Variants in TAX1BP1 observed in about 807,000 individuals in gnomAD.
TAX1BP1 encodes tax1-binding protein 1.
TAX1BP1 carries 62 observed loss-of-function variants against 97.7 expected under a neutral mutation model. The ratio of observed to expected loss-of-function variants is 0.63; its 90% CI spans 0.52 to 0.78. The LOEUF is 0.78. Among genes scored for constraint, TAX1BP1 ranks in the 30% least tolerant of loss-of-function variants. TAX1BP1 has a pLI of 0.00. For synonymous variants in TAX1BP1, 340 were observed against 304.2 expected (o/e 1.12, Z -1.23); for missense variants, 867 against 916.1 (o/e 0.95, Z 0.69).
intron 13 of TAX1BP1, among the ~76,000 whole-genome samples, chr7:27,800,978 C>T (rs1462885645): frequency 3.3e-5 from 5 of 151,910 alleles, no homozygotes; most frequent in African/African-American, 1.2e-4. Context: ...GTGGTGGGCA[C>T]CTATAATCCC....
intron 4 of TAX1BP1, among the ~76,000 whole-genome samples, 164 bp from the exon 5 acceptor site, chr7:27,769,512 A>T (rs1475322147): frequency 2.6e-5 from 4 of 152,102 alleles, no homozygotes; most frequent in African/African-American, 9.6e-5. Flanking sequence ...GAATTTTTCT[A>T]ACTGAAGGCT....
At chr7:27,755,910 C>A (rs149897145) in intron 2 of TAX1BP1, among the ~76,000 whole-genome samples, 3 of 152,274 alleles carry the variant, frequency 2.0e-5, no homozygotes, top group African/African-American at 7.2e-5. Flanking sequence ...GTTCTCCCTG[C>A]CATTTTTCAA....
At chr7:27,771,311 C>A (rs117670618) in intron 5 of TAX1BP1, among the ~76,000 whole-genome samples, 1 of 147,634 alleles carries the variant, frequency 6.8e-6, no homozygotes, top group Non-Finnish European at 1.5e-5. Context: ...ATAGATGACT[C>A]ATGAAAAAGG....
intron 9 of TAX1BP1, 71 bp from the exon 10 acceptor site, chr7:27,792,995 G>T: frequency 7.4e-7 from 1 of 1,348,616 alleles, no homozygotes; most frequent in Non-Finnish European, 1.0e-6. Flanking sequence ...TAAGATTGAA[G>T]TTGGGGTTAC....
chr7:27,775,924 CA>C (rs1789016791), intron 5 of TAX1BP1, among the ~76,000 whole-genome samples: 1 of 152,148 alleles, frequency 6.6e-6, no homozygotes, highest in African/African-American at 2.4e-5. Flanking sequence ...GCCTGCCTTA[CA>C]CAAGCTAGTT....
intron 2 of TAX1BP1, among the ~76,000 whole-genome samples, chr7:27,755,016 T>C (rs1465766133): frequency 6.6e-6 from 1 of 152,236 alleles, no homozygotes; most frequent in East Asian, 1.9e-4. Flanking sequence ...TTATGCTGTT[T>C]ATGATATTTC....
intron 5 of TAX1BP1, among the ~76,000 whole-genome samples, chr7:27,771,572 G>A (rs1025919684): frequency 6.6e-6 from 1 of 151,946 alleles, no homozygotes; most frequent in Non-Finnish European, 1.5e-5. Flanking sequence ...TGCTCTCCAG[G>A]TGATAAAGGG....
intron 13 of TAX1BP1, among the ~76,000 whole-genome samples, chr7:27,805,160 G>A (rs1439812394): frequency 6.6e-6 from 1 of 152,144 alleles, no homozygotes; most frequent in African/African-American, 2.4e-5. Flanking sequence ...AAGTGGACCT[G>A]TTTCCCATAT....
chr7:27,773,490 G>A (rs1788921100), intron 5 of TAX1BP1, among the ~76,000 whole-genome samples: 1 of 151,906 alleles, frequency 6.6e-6, no homozygotes. Context: ...GCCACTAATT[G>A]AAATTTCTGT....
intron 5 of TAX1BP1, among the ~76,000 whole-genome samples, chr7:27,783,941 A>G (rs1216807125): frequency 6.6e-6 from 1 of 152,190 alleles, no homozygotes; most frequent in Non-Finnish European, 1.5e-5. Context: ...AGCATTTTGT[A>G]CAACAGTTTT....
In TAX1BP1 at chr7:27,741,880, C is replaced by A. The variant is rs183659322; in HGVS notation, c.-8+1611C>A. Among the ~76,000 whole-genome samples the A allele has an allele frequency of 4.8e-3, 729 of 152,216 alleles. 5 individuals carry two copies. The highest frequency in any genetic ancestry group is 0.013 in the African/African-American group (551 of 41,520). ...AGGGGGCTATGTCAGGGTCACAAGACAATAGTGGGGAGAGGGTCAGCAGAC... is the reference window on the plus strand; with the variant it reads ...AGGGGGCTATGTCAGGGTCACAAGAAAATAGTGGGGAGAGGGTCAGCAGAC... On this transcript the variant is annotated intron_variant, in intron 1 of 16. Coordinates refer to ENST00000396319, the MANE Select transcript of TAX1BP1 (RefSeq NM_006024.7).
At chr7:27,797,286 C>G (rs1030655698) in intron 12 of TAX1BP1, among the ~76,000 whole-genome samples, 6 of 152,054 alleles carry the variant, frequency 3.9e-5, no homozygotes, top group African/African-American at 1.4e-4. Flanking sequence ...CATGAGCCAC[C>G]GCGCCCGGCC....
At chr7:27,817,074 T>G in intron 15 of TAX1BP1, 36 bp downstream of exon 15, 1 of 1,585,440 alleles carries the variant, frequency 6.3e-7, no homozygotes, top group Non-Finnish European at 8.5e-7. Context: ...CCTGTCCCTT[T>G]TTTATTTTTT....
Position 27,803,333 on chromosome 7 carries a change from C to G in TAX1BP1, c.1764+3243C>G, listed in dbSNP as rs2128321135. Among the ~76,000 whole-genome samples, 3 of 152,266 alleles carry G rather than the reference C, an allele frequency of 2.0e-5. No homozygotes were observed. The South Asian group carries it at 6.2e-4, about 32-fold the overall frequency. ...TCTAAAAATTACGTGAAATGTTTAT[C>G]TGGTTTTCTTTTGTAATAGGAAACA... On this transcript the variant is annotated intron_variant, in intron 13 of 16. Coordinates refer to ENST00000396319, the MANE Select transcript of TAX1BP1 (RefSeq NM_006024.7).
intron 13 of TAX1BP1, among the ~76,000 whole-genome samples, chr7:27,814,743 G>GTT (rs35816108): frequency 4.5e-4 from 67 of 149,980 alleles, no homozygotes; most frequent in African/African-American, 6.1e-4. Context: ...CATTTTTCTA[G>GTT]TTTTTTTTTT....
At chr7:27,794,194 A>G (rs762479467) in intron 10 of TAX1BP1, 129 bp from the exon 11 acceptor site, 4 of 769,198 alleles carry the variant, frequency 5.2e-6, no homozygotes, top group Non-Finnish European at 5.8e-6. Flanking sequence ...TTTTAAAACA[A>G]GAGCAGCTTT....
At chr7:27,783,976 GACAA>G (rs1430922076) in intron 5 of TAX1BP1, among the ~76,000 whole-genome samples, 1 of 152,106 alleles carries the variant, frequency 6.6e-6, no homozygotes, top group African/African-American at 2.4e-5. Context: ...AATTCAGTCA[GACAA>G]ACATTTGCTT....
intron 3 of TAX1BP1, among the ~76,000 whole-genome samples, chr7:27,759,595 A>T (rs1417975287): frequency 1.4e-5 from 2 of 146,742 alleles, no homozygotes; most frequent in Non-Finnish European, 3.0e-5. Flanking sequence ...CTTTATGTTT[A>T]AAAAAAAAAA....
At chr7:27,780,588 T>C (rs969464558) in intron 5 of TAX1BP1, among the ~76,000 whole-genome samples, 3 of 152,200 alleles carry the variant, frequency 2.0e-5, no homozygotes, top group African/African-American at 7.2e-5. Flanking sequence ...AGGCATTTAG[T>C]ATCTAATACA....
Sources: gnomAD v4.1 joint callset for allele counts (sites outside exome capture counted in the v4.1 genomes callset) on GRCh38, gnomAD v4.1.1 for gene constraint, MANE v1.5 for transcripts, NCBI Gene and HGNC (gene_info 2026-07-23, HGNC 2026-07-21) for gene names.